GPC6: variants seen among roughly 807,000 people sequenced by gnomAD.
GPC6 encodes glypican-6.
A neutral mutation model predicts 55.2 loss-of-function variants in GPC6; 14 were observed. The observed-to-expected ratio is 0.25, with a 90% confidence interval of 0.17 to 0.40. GPC6 has a LOEUF of 0.40. Ranked by LOEUF, GPC6 falls within the 10% of genes least tolerant of loss-of-function variation. The probability of loss-of-function intolerance (pLI) is 1.00; values close to 1 mark genes in which losing one functional copy is unlikely to be tolerated. For synonymous variants in GPC6, 278 were observed against 259.6 expected, an observed-to-expected ratio of 1.07 and a Z score of -0.68; for missense variants, 641 against 708.5, an observed-to-expected ratio of 0.90 and a Z score of 1.08.
intron 1 of GPC6, among the ~76,000 whole-genome samples, chr13:93,544,849 T>G (rs1874691276): frequency 6.6e-6 from 1 of 152,162 alleles, no homozygotes; most frequent in Non-Finnish European, 1.5e-5. Context: ...CAAGGGACAG[T>G]TATCATCTTT....
chr13:93,772,080 T>C (rs1484789081), intron 2 of GPC6, among the ~76,000 whole-genome samples: 1 of 152,198 alleles, frequency 6.6e-6, no homozygotes, highest in African/African-American at 2.4e-5. Context: ...CCATAGCCCT[T>C]AATGCATTAC....
intron 4 of GPC6, among the ~76,000 whole-genome samples, chr13:94,108,301 C>T (rs976670311): frequency 6.6e-6 from 1 of 152,124 alleles, no homozygotes; most frequent in African/African-American, 2.4e-5. Context: ...GAAAACCAAA[C>T]ATTGTATGTT....
At chr13:93,506,773 G>T (rs1373603449) in intron 1 of GPC6, among the ~76,000 whole-genome samples, 1 of 150,372 alleles carries the variant, frequency 6.7e-6, no homozygotes, top group African/African-American at 2.4e-5. Flanking sequence ...GGGCGTGGTG[G>T]CTCACACCTG....
chr13:93,954,740 T>C (rs967052039), intron 3 of GPC6, among the ~76,000 whole-genome samples: 1 of 152,132 alleles, frequency 6.6e-6, no homozygotes, highest in Non-Finnish European at 1.5e-5. Flanking sequence ...TTGACAAAGA[T>C]TCTTCATTCA....
intron 4 of GPC6, among the ~76,000 whole-genome samples, chr13:94,206,083 C>A (rs1438533503): frequency 6.6e-6 from 1 of 152,136 alleles, no homozygotes; most frequent in African/African-American, 2.4e-5. Flanking sequence ...AAACCCTGAC[C>A]TAGAGTTTGT....
chr13:93,616,022 A>G (rs554395151), intron 2 of GPC6, among the ~76,000 whole-genome samples: 9 of 152,190 alleles, frequency 5.9e-5, no homozygotes, highest in South Asian at 2.1e-4. Context: ...GATTCTCTCA[A>G]TGTAAATATG....
chr13:94,330,819 C>G (rs1384457191), intron 6 of GPC6, among the ~76,000 whole-genome samples: 1 of 151,884 alleles, frequency 6.6e-6, no homozygotes, highest in Non-Finnish European at 1.5e-5. Context: ...TCTCTTGAGA[C>G]CTTAGCCTAT....
intron 1 of GPC6, among the ~76,000 whole-genome samples, chr13:93,250,654 G>A (rs1456721639): frequency 6.6e-6 from 1 of 152,152 alleles, no homozygotes; most frequent in Non-Finnish European, 1.5e-5. Flanking sequence ...ACCCAGGTGA[G>A]GGGTGTAGCT....
chr13:93,318,182 G>A (rs1264710305), intron 1 of GPC6, among the ~76,000 whole-genome samples: 1 of 152,050 alleles, frequency 6.6e-6, no homozygotes, highest in African/African-American at 2.4e-5. Flanking sequence ...CAGCTTATTC[G>A]AGACTCTTCT....
chr13:94,382,824 C>T lies in GPC6; in HGVS notation c.1289+274C>T, dbSNP rs145760724. Among the ~76,000 whole-genome samples, 72 of 152,264 alleles carry T rather than the reference C, an allele frequency of 4.7e-4. No homozygotes were observed. In the East Asian group the frequency reaches 5.2e-3, roughly 11 times the overall value. On this transcript the variant is annotated intron_variant, in intron 7 of 8. Transcript: ENST00000377047. ...GTGGCAGATGCCAGGTTTCAGATAC[C>T]CTGAGATCACAAAGAGCCCTTTCAT...
chr13:93,471,116 C>A (rs1403892983), intron 1 of GPC6, among the ~76,000 whole-genome samples: 2 of 151,914 alleles, frequency 1.3e-5, no homozygotes, highest in Admixed American at 1.3e-4. Flanking sequence ...TTGATTTTGG[C>A]TTTTCATATT....
intron 4 of GPC6, among the ~76,000 whole-genome samples, chr13:94,195,310 A>G (rs961067798): frequency 1.3e-5 from 2 of 152,148 alleles, no homozygotes. Flanking sequence ...CATTGTGGGC[A>G]TGGAAATTGG....
chr13:93,850,419 C>T (rs1335810824), intron 3 of GPC6, among the ~76,000 whole-genome samples: 1 of 151,890 alleles, frequency 6.6e-6, no homozygotes, highest in African/African-American at 2.4e-5. Context: ...TATGGGGACC[C>T]TTTGACCTTA....
At chr13:93,261,326 A>G (rs1877139612) in intron 1 of GPC6, among the ~76,000 whole-genome samples, 1 of 152,108 alleles carries the variant, frequency 6.6e-6, no homozygotes, top group South Asian at 2.1e-4. Context: ...ACCTGTTTTT[A>G]GGGTTTTCTA....
chr13:93,503,298 C>G (rs1880589527), intron 1 of GPC6, among the ~76,000 whole-genome samples: 1 of 152,172 alleles, frequency 6.6e-6, no homozygotes, highest in Non-Finnish European at 1.5e-5. Flanking sequence ...CTTGCTCACA[C>G]AAGTTATTTG....
chr13:93,678,211 T>G (rs2138761321), intron 2 of GPC6, among the ~76,000 whole-genome samples: 1 of 152,324 alleles, frequency 6.6e-6, no homozygotes, highest in African/African-American at 2.4e-5. Context: ...AACTTTTTTC[T>G]AAGGTGGCTT....
At chr13:93,550,210 A>G (rs1003737897) in intron 2 of GPC6, among the ~76,000 whole-genome samples, 21 of 152,118 alleles carry the variant, frequency 1.4e-4, no homozygotes, top group African/African-American at 5.1e-4. Context: ...GTTGGCACTA[A>G]CACCCTATCC....
chr13:93,532,728 A>G (rs994283607), intron 1 of GPC6, among the ~76,000 whole-genome samples: 1 of 152,148 alleles, frequency 6.6e-6, no homozygotes, highest in Non-Finnish European at 1.5e-5. Context: ...AGGAAAGTCA[A>G]CCAAATGGTA....
chr13:94,231,178 T>TA (rs1890716138), intron 4 of GPC6, among the ~76,000 whole-genome samples: 1 of 152,092 alleles, frequency 6.6e-6, no homozygotes, highest in African/African-American at 2.4e-5. Flanking sequence ...GAGAAAATAA[T>TA]AAACACTGCC....
Sources: allele counts gnomAD v4.1 joint callset (sites outside exome capture counted in the v4.1 genomes callset), GRCh38; gene constraint gnomAD v4.1.1; transcripts MANE v1.5; gene names NCBI Gene and HGNC (gene_info 2026-07-23, HGNC 2026-07-21).